PTPRN2: variants seen among roughly 807,000 people sequenced by gnomAD.
PTPRN2 encodes the protein receptor-type tyrosine-protein phosphatase N2.
PTPRN2 carries 74 observed loss-of-function variants against 118.8 expected under a neutral mutation model. That is an observed-to-expected ratio of 0.62 (90% CI 0.52 to 0.76). The LOEUF is 0.76. PTPRN2 is among the 30% of genes least tolerant of loss of function. PTPRN2 has a pLI of 0.00. For missense variants in PTPRN2, 1,481 were observed against 1,394.4 expected, an observed-to-expected ratio of 1.06 and a Z score of -0.99; for synonymous variants, 641 against 608.0, an observed-to-expected ratio of 1.05 and a Z score of -0.80.
At chr7:158,158,471 G>A (rs1219149704) in intron 6 of PTPRN2, among the ~76,000 whole-genome samples, 1 of 107,668 alleles carries the variant, frequency 9.3e-6, no homozygotes, top group African/African-American at 2.9e-5. Context: ...TTTTGGATGA[G>A]GGGAGAGAAC....
At chr7:157,848,557 C>T (rs1386063067) in intron 12 of PTPRN2, among the ~76,000 whole-genome samples, 2 of 152,272 alleles carry the variant, frequency 1.3e-5, no homozygotes, top group African/African-American at 4.8e-5. Flanking sequence ...TTGATTTGCA[C>T]CACTGCTGTG....
intron 11 of PTPRN2, among the ~76,000 whole-genome samples, chr7:158,071,392 AGGTGCTCGTGGT>A (rs1811560494): frequency 2.7e-5 from 1 of 37,698 alleles, no homozygotes; most frequent in African/African-American, 9.2e-5. Context: ...CTCGTGGTGG[AGGTGCTCGTGGT>A]GGAGTTGCTC....
At chr7:158,176,480 CGAGTG>C (rs1310065273) in intron 5 of PTPRN2, among the ~76,000 whole-genome samples, 1,955 of 152,280 alleles carry the variant, frequency 0.013, 32 homozygotes, top group African/African-American at 0.045. Context: ...GTATGTCTGT[CGAGTG>C]ACAGACACCA....
In PTPRN2 at chr7:157,831,594, G is replaced by A. The variant is rs1807574143; in HGVS notation, c.1788+67079C>T. On this transcript the variant is annotated intron_variant, in intron 12 of 22. Transcript: ENST00000389418. This position sits in a 1 kb window ranked among gnomAD's most constrained non-coding sequence, Gnocchi z 4.8. ...GGAGTGGCTGGGAGGGTCTCAGTGAGCATTTCAGAGCCATCTCCACCTGTC... is the reference window on the plus strand; with the variant it reads ...GGAGTGGCTGGGAGGGTCTCAGTGAACATTTCAGAGCCATCTCCACCTGTC... Among the ~76,000 whole-genome samples the A allele has an allele frequency of 6.6e-6, 1 of 152,158 alleles. No homozygotes were observed. The highest frequency in any genetic ancestry group is 6.5e-5 in the Admixed American group (1 of 15,282).
At chr7:158,143,024 A>T (rs546352391) in intron 6 of PTPRN2, among the ~76,000 whole-genome samples, 1 of 152,262 alleles carries the variant, frequency 6.6e-6, no homozygotes, top group Non-Finnish European at 1.5e-5. Context: ...CGAGCCACCG[A>T]GCCACGAGCC....
At chr7:158,162,073 C>T (rs1822411936) in intron 6 of PTPRN2, among the ~76,000 whole-genome samples, 1 of 152,162 alleles carries the variant, frequency 6.6e-6, no homozygotes, top group Admixed American at 6.5e-5. Context: ...GAACCCAGAA[C>T]ATTGACAACA....
At chr7:158,505,855 A>C (rs1822708659) in intron 1 of PTPRN2, among the ~76,000 whole-genome samples, 1 of 152,232 alleles carries the variant, frequency 6.6e-6, no homozygotes, top group African/African-American at 2.4e-5. Flanking sequence ...CATGAGCCCA[A>C]ATAGTGCCTG....
chr7:158,562,079 A>G (rs1244035170), intron 1 of PTPRN2, among the ~76,000 whole-genome samples: 1 of 152,170 alleles, frequency 6.6e-6, no homozygotes, highest in Non-Finnish European at 1.5e-5. Flanking sequence ...TCTGTCAGGA[A>G]ATGTCTTAGC....
chr7:157,836,889 C>T (rs1484713723), intron 12 of PTPRN2, among the ~76,000 whole-genome samples: 1 of 151,596 alleles, frequency 6.6e-6, no homozygotes, highest in Non-Finnish European at 1.5e-5. Context: ...AAACCACCCA[C>T]TTACTCATCC....
At position 158,171,598 on chromosome 7, in the gene PTPRN2, G is replaced by A. The variant is rs185426699; in HGVS notation, c.550-4307C>T. On this transcript the variant is annotated intron_variant, in intron 5 of 22. Coordinates refer to ENST00000389418, the MANE Select transcript of PTPRN2 (RefSeq NM_002847.5). ...ACTCCTGACCTCAAGTGATCTGCCCGCCTTGGCCTCCCAAAGTGCTGGGAT... is the reference window on the plus strand; with the variant it reads ...ACTCCTGACCTCAAGTGATCTGCCCACCTTGGCCTCCCAAAGTGCTGGGAT... Among the ~76,000 whole-genome samples the A allele has an allele frequency of 6.2e-3, 940 of 151,948 alleles. 3 individuals are homozygous for A. Among genetic ancestry groups the A allele is most frequent in the Non-Finnish European group, 0.011 (718 of 67,944 alleles).
intron 12 of PTPRN2, among the ~76,000 whole-genome samples, chr7:157,885,217 G>A (rs373544357): frequency 9.2e-5 from 14 of 152,104 alleles, no homozygotes; most frequent in South Asian, 8.3e-4. Flanking sequence ...ATGCCAGGGC[G>A]GTCTCAAGGC....
intron 12 of PTPRN2, among the ~76,000 whole-genome samples, chr7:157,839,111 C>T (rs965942566): frequency 3.3e-5 from 5 of 152,260 alleles, no homozygotes; most frequent in African/African-American, 9.6e-5. Flanking sequence ...TTCTTGTCTT[C>T]GTGAAGTTGC....
chr7:158,404,976 T>C (rs905798658), intron 2 of PTPRN2, among the ~76,000 whole-genome samples: 991 of 73,968 alleles, frequency 0.013, 20 homozygotes, highest in Non-Finnish European at 0.017. Flanking sequence ...CTCCAGCTCC[T>C]CAGCCTCAGC....
At chr7:158,312,309 C>CGT (rs1554451149) in intron 3 of PTPRN2, among the ~76,000 whole-genome samples, 1 of 148,838 alleles carries the variant, frequency 6.7e-6, no homozygotes, top group Non-Finnish European at 1.5e-5. Context: ...TGTGCTCACA[C>CGT]AGACACCCAC....
rs150688371 is a variant in PTPRN2, at chr7:157,873,689, G to C, written c.1788+24984C>G. ...CTGTCCTCAAGGTCTGTCTCGTCGTGGGGGCCGGGAGGAGAACGTACTGTC... is the reference window on the plus strand; with the variant it reads ...CTGTCCTCAAGGTCTGTCTCGTCGTCGGGGCCGGGAGGAGAACGTACTGTC... On this transcript the variant is annotated intron_variant, in intron 12 of 22. Coordinates refer to ENST00000389418, the MANE Select transcript of PTPRN2 (RefSeq NM_002847.5). 4.8e-3 allele frequency among the ~76,000 whole-genome samples: 717 copies of C among 150,342 alleles called. 54 individuals carry two copies. The East Asian group carries it at 0.1, about 22-fold the overall frequency.
rs1188013179 is a variant in PTPRN2 at position 157,780,551 on chromosome 7, CA to C, written c.1789-97615del. On this transcript the variant is annotated intron_variant, in intron 12 of 22. Transcript: ENST00000389418. This position sits in a 1 kb window ranked among gnomAD's most constrained non-coding sequence, Gnocchi z 4.5. ...CGTGGCAGCCAAGTCAGGCATACAGCAGCCCTCTTGCTGGCTTCCAGTACTG... is the reference window on the plus strand; with the variant it reads ...CGTGGCAGCCAAGTCAGGCATACAGCGCCCTCTTGCTGGCTTCCAGTACTG... 1.7e-4 allele frequency among the ~76,000 whole-genome samples: 26 copies of C among 152,210 alleles called. No individual in the cohort carries two copies. The highest frequency in any genetic ancestry group is 1.6e-3 in the Admixed American group (25 of 15,288).
intron 2 of PTPRN2, among the ~76,000 whole-genome samples, chr7:158,488,980 G>C (rs1821235286): frequency 6.6e-6 from 1 of 152,246 alleles, no homozygotes; most frequent in South Asian, 2.1e-4. Flanking sequence ...CGTCTGCCCT[G>C]GGAGATGCCC....
intron 2 of PTPRN2, 80 bp downstream of exon 2, chr7:158,489,655 G>C: frequency 7.0e-7 from 1 of 1,423,604 alleles, no homozygotes; most frequent in Non-Finnish European, 9.4e-7. Context: ...GCCAGCGGCG[G>C]GGCTCACCAG....
chr7:157,576,572 G>T, intron 19 of PTPRN2, 41 bp downstream of exon 19: 4 of 1,558,988 alleles, frequency 2.6e-6, no homozygotes, highest in Non-Finnish European at 3.5e-6. Flanking sequence ...TGTGCCGCGC[G>T]CTCAGCGCGC....
Sources: allele counts gnomAD v4.1 joint callset (sites outside exome capture counted in the v4.1 genomes callset), GRCh38; gene constraint gnomAD v4.1.1; non-coding constraint Gnocchi (gnomAD v3.1); transcripts MANE v1.5; gene names NCBI Gene and HGNC (gene_info 2026-07-23, HGNC 2026-07-21).